Variants in IQCH observed in about 807,000 individuals in gnomAD.
IQCH encodes IQ domain-containing protein H.
Under a neutral mutation model 117.0 loss-of-function variants are expected in IQCH, and 98 were observed. That is an observed-to-expected ratio of 0.84 (90% CI 0.71 to 0.99). IQCH has a LOEUF of 0.99. IQCH is among the 50% of genes least tolerant of loss of function. IQCH has a pLI of 0.00. For missense variants in IQCH, 1,102 were observed against 1,243.8 expected, an observed-to-expected ratio of 0.89 and a Z score of 1.72; for synonymous variants, 412 against 448.2, an observed-to-expected ratio of 0.92 and a Z score of 1.02.
intron 16 of IQCH, among the ~76,000 whole-genome samples, chr15:67,464,852 C>T (rs2082890608): frequency 6.6e-6 from 1 of 152,232 alleles, no homozygotes; most frequent in African/African-American, 2.4e-5. Context: ...AAATCAAAGT[C>T]AACATGAGCT....
rs1970289059 is a variant in IQCH, at chr15:67,365,190, C to T, written c.753+5305C>T. ...GGAACTCGTGGACTCAAGTGATCTG[C>T]CTGCCTTGACCTCCCAAAGTGCTGG... On this transcript the variant is annotated intron_variant, in intron 8 of 20. Transcript: ENST00000335894. This position sits in a 1 kb window ranked among gnomAD's most constrained non-coding sequence, Gnocchi z 4.4. Among the ~76,000 whole-genome samples the T allele has an allele frequency of 6.6e-6, 1 of 152,188 alleles. No individual in the cohort carries two copies. Among genetic ancestry groups the T allele is most frequent in the Non-Finnish European group, 1.5e-5 (1 of 68,046 alleles).
intron 10 of IQCH, among the ~76,000 whole-genome samples, chr15:67,379,498 T>G (rs1970848146): frequency 1.3e-5 from 2 of 152,170 alleles, no homozygotes; most frequent in Non-Finnish European, 1.5e-5. Flanking sequence ...TCCCCTTGGG[T>G]TCCCAGATCA....
In IQCH at chr15:67,430,550, C is replaced by G. The variant is rs1459262442; in HGVS notation, c.2505+8973C>G. 1 of 151,862 alleles carries G rather than the reference C, an allele frequency of 6.6e-6. No homozygotes were observed. The highest frequency in any genetic ancestry group is 2.4e-5 in the African/African-American group (1 of 41,312). The allele number at this position is 151,862 out of a possible 1,614,324, so 9.4% of individuals were successfully genotyped here. ...TTGCCTCCATGAGATTTTTTTAATC[C>G]TTTAGAAAATGTACTAGGCCTTGAA... On this transcript the variant is annotated intron_variant, in intron 16 of 20. Coordinates refer to ENST00000335894, the MANE Select transcript of IQCH (RefSeq NM_001031715.3). The surrounding 1 kb of genome is among the most constrained non-coding windows in gnomAD (Gnocchi z 5.1).
intron 3 of IQCH, among the ~76,000 whole-genome samples, chr15:67,267,809 T>A (rs547942736): frequency 6.6e-6 from 1 of 152,268 alleles, no homozygotes; most frequent in African/African-American, 2.4e-5. Flanking sequence ...GGAAATAGAG[T>A]TAATTCCAAA....
At chr15:67,485,259 A>C (rs963611037) in intron 18 of IQCH, among the ~76,000 whole-genome samples, 2 of 152,208 alleles carry the variant, frequency 1.3e-5, no homozygotes, top group African/African-American at 4.8e-5. Context: ...GAAATTCTGG[A>C]ACCAAAAATT....
At chr15:67,284,849 G>T (rs1337783622) in intron 4 of IQCH, among the ~76,000 whole-genome samples, 1 of 152,056 alleles carries the variant, frequency 6.6e-6, no homozygotes, top group Non-Finnish European at 1.5e-5. Flanking sequence ...TCTTTATCCA[G>T]TCTATTATTG....
chr15:67,258,456 G>A (rs559792841), intron 1 of IQCH, among the ~76,000 whole-genome samples: 10 of 151,834 alleles, frequency 6.6e-5, no homozygotes, highest in South Asian at 6.3e-4. Flanking sequence ...ACTTGAACCC[G>A]GGAGGTGGAG....
intron 4 of IQCH, among the ~76,000 whole-genome samples, chr15:67,297,682 T>C (rs1966863158): frequency 6.6e-6 from 1 of 152,182 alleles, no homozygotes; most frequent in African/African-American, 2.4e-5. Context: ...GTCATTCTAC[T>C]ATTGTTTGCA....
chr15:67,337,444 T>A (rs1161212791), intron 5 of IQCH, among the ~76,000 whole-genome samples: 1 of 152,210 alleles, frequency 6.6e-6, no homozygotes, highest in African/African-American at 2.4e-5. Context: ...GGTAGCATTT[T>A]AAAAATTTAT....
At chr15:67,423,257 C>T (rs892758766) in intron 16 of IQCH, among the ~76,000 whole-genome samples, 4 of 152,074 alleles carry the variant, frequency 2.6e-5, no homozygotes, top group African/African-American at 9.7e-5. Flanking sequence ...AGGCTGCCCT[C>T]CCCAAGTATT....
rs748941502 is a variant in IQCH, at chr15:67,372,624, C to T, written c.1267C>T (p.Arg423Cys). The change falls in exon 9 of 21, where the codon CGT becomes TGT. Residue 423 changes from arginine (R) to cysteine (C), a missense_variant. Arg to Cys is a radical substitution (Grantham distance 180, BLOSUM62 -3). Transcript: ENST00000335894. ...ACTAAAGAAGATACTAAAGGAATCA[C>T]GTCAGAGACACCTGGAGAATTTTCG... Reference protein sequence around the residue: ...TRLKKILKESRQRHLENFRIR... With the variant: ...TRLKKILKESCQRHLENFRIR... 4 of 1,610,686 alleles carry T rather than the reference C, an allele frequency of 2.5e-6. No individual in the cohort carries two copies. Among genetic ancestry groups the T allele is most frequent in the South Asian group, 1.1e-5 (1 of 90,476 alleles).
At chr15:67,374,136 G>A (rs1000903549) in intron 10 of IQCH, 1 of 152,266 alleles carries the variant, frequency 6.6e-6, no homozygotes, top group Non-Finnish European at 1.5e-5. Context: ...AATTTGCATT[G>A]GAGTTTCTTT....
Position 67,465,441 on chromosome 15 carries a change from C to G in IQCH, c.2676+144C>G. On this transcript the variant is annotated intron_variant, in intron 17 of 20. Coordinates refer to ENST00000335894, the MANE Select transcript of IQCH (RefSeq NM_001031715.3). This position sits in a 1 kb window ranked among gnomAD's most constrained non-coding sequence, Gnocchi z 5.9. ...GTCATTGGACTTGTCTGAGCAGGGT[C>G]TGGAAATGCGAATGTGTTGGTCAGA... 1 of 805,456 alleles carries G rather than the reference C, an allele frequency of 1.2e-6. No homozygotes were observed. The allele number at this position is 805,456 out of a possible 1,614,324, so 49.9% of individuals were successfully genotyped here.
At chr15:67,355,885 C>T (rs1969872147) in intron 6 of IQCH, among the ~76,000 whole-genome samples, 1 of 152,146 alleles carries the variant, frequency 6.6e-6, no homozygotes, top group Non-Finnish European at 1.5e-5. Flanking sequence ...TGTGGATTAG[C>T]CATGTGAAAT....
intron 16 of IQCH, among the ~76,000 whole-genome samples, chr15:67,423,279 A>G (rs968239343): frequency 2.0e-5 from 3 of 152,116 alleles, no homozygotes; most frequent in Non-Finnish European, 2.9e-5. Context: ...GTTGTAAGAA[A>G]GATTGGCTGG....
chr15:67,265,213 T>C (rs1965621925), intron 3 of IQCH, among the ~76,000 whole-genome samples: 2 of 152,350 alleles, frequency 1.3e-5, no homozygotes, highest in East Asian at 3.9e-4. Flanking sequence ...TAGGTAGCAA[T>C]TGCAGCTACA....
chr15:67,471,388 T>A (rs2083067943), intron 17 of IQCH, among the ~76,000 whole-genome samples: 5 of 152,248 alleles, frequency 3.3e-5, no homozygotes, highest in Admixed American at 2.6e-4. Flanking sequence ...TAGAAAATAA[T>A]GTTTTCTATT....
At chr15:67,315,336 A>G (rs924953728) in intron 4 of IQCH, among the ~76,000 whole-genome samples, 19 of 152,176 alleles carry the variant, frequency 1.2e-4, no homozygotes, top group Non-Finnish European at 7.3e-5. Flanking sequence ...TTATAGTCTG[A>G]TGCACCCATA....
chr15:67,369,905 A>G lies in IQCH; in HGVS notation c.754-2206A>G, dbSNP rs1243279142. 1.3e-5 allele frequency among the ~76,000 whole-genome samples: 2 copies of G among 152,176 alleles called. No homozygotes were observed. The highest frequency in any genetic ancestry group is 2.9e-5 in the Non-Finnish European group (2 of 68,030). Reference sequence around the variant, plus strand: ...TACAGTTATGCTTTAGCTGACTCCAAACCGATAGCTTCCCAGTGCCTGAGT... The same window carrying G: ...TACAGTTATGCTTTAGCTGACTCCAGACCGATAGCTTCCCAGTGCCTGAGT... On this transcript the variant is annotated intron_variant, in intron 8 of 20. Transcript: ENST00000335894. This position sits in a 1 kb window ranked among gnomAD's most constrained non-coding sequence, Gnocchi z 5.2.
Sources: gnomAD v4.1 joint callset for allele counts (sites outside exome capture counted in the v4.1 genomes callset) on GRCh38, gnomAD v4.1.1 for gene constraint, Gnocchi (gnomAD v3.1) non-coding constraint, MANE v1.5 for transcripts, NCBI Gene and HGNC (gene_info 2026-07-23, HGNC 2026-07-21) for gene names.